Variants in KCNA2 observed in about 807,000 individuals in gnomAD.
KCNA2 encodes potassium channel, voltage gated shaker related subfamily A, member 2.
A neutral mutation model predicts 33.4 loss-of-function variants in KCNA2; 11 were observed. That is an observed-to-expected ratio of 0.33 (90% CI 0.21 to 0.55). KCNA2 has a LOEUF of 0.55. Ranked by LOEUF, KCNA2 falls within the 20% of genes least tolerant of loss-of-function variation. The pLI is 0.93. For synonymous variants in KCNA2, 222 were observed against 231.3 expected (o/e 0.96, Z 0.37); for missense variants, 291 against 621.6 (o/e 0.47, Z 5.66).
At chr1:110,614,762 C>T (rs947334499) in intron 1 of KCNA2, among the ~76,000 whole-genome samples, 3 of 152,132 alleles carry the variant, frequency 2.0e-5, no homozygotes, top group Admixed American at 6.5e-5. Context: ...CACCATGGGT[C>T]CTCCTACTGT....
Position 110,602,137 on chromosome 1 carries a change from G to T in KCNA2, c.*1146C>A. On this transcript the variant is annotated 3_prime_UTR_variant, in exon 3 of 3. Transcript: ENST00000316361. ...GAGGTGTTCAGATGCTGCCTTCCCC[G>T]CTTACTCTTCTGGCTTTGCAGAGGT... 6.4e-7 allele frequency: 1 copy of T among 1,550,444 alleles called. No individual in the cohort carries two copies.
At position 110,602,249 on chromosome 1, in the gene KCNA2, C is replaced by T; in HGVS notation, c.*1034G>A. 6.5e-7 allele frequency: 1 copy of T among 1,531,502 alleles called. No homozygotes were observed. The highest frequency in any genetic ancestry group is 1.2e-5 in the South Asian group (1 of 81,932). The allele number at this position is 1,531,502 out of a possible 1,614,324, so 94.9% of individuals were successfully genotyped here. On this transcript the variant is annotated 3_prime_UTR_variant, in exon 3 of 3. Coordinates refer to ENST00000316361, the MANE Select transcript of KCNA2 (RefSeq NM_004974.4). The stretch of plus-strand genomic sequence containing the variant: ...TTCCAAATAGTCTATTTTTTTTCCC[C>T]TGATGGAGGGATTTTTGCCTTCTGA...
upstream of KCNA2, among the ~76,000 whole-genome samples, chr1:110,609,756 G>C (rs1197749217): frequency 3.3e-5 from 5 of 152,174 alleles, no homozygotes; most frequent in Non-Finnish European, 7.3e-5. Flanking sequence ...CAGTTGTTTA[G>C]GCACATTTCA....
intron 1 of KCNA2, among the ~76,000 whole-genome samples, chr1:110,622,573 G>A (rs1193543614): frequency 1.3e-5 from 2 of 151,948 alleles, no homozygotes; most frequent in Non-Finnish European, 1.5e-5. Flanking sequence ...CAGGTGGCAT[G>A]GTTATTTATG....
chr1:110,628,785 C>T (rs17026186), intron 1 of KCNA2, among the ~76,000 whole-genome samples: 20,052 of 152,216 alleles, frequency 0.13, 1,663 homozygotes, highest in East Asian at 0.25. Context: ...CCACAGAATT[C>T]GTCTGTACAT....
chr1:110,599,778 C>T lies in KCNA2; in HGVS notation c.*3505G>A. 1 of 985,494 alleles carries T rather than the reference C, an allele frequency of 1.0e-6. No individual in the cohort carries two copies. Among genetic ancestry groups the T allele is most frequent in the Non-Finnish European group, 1.2e-6 (1 of 830,030 alleles). 61.0% of individuals were successfully genotyped at this position (985,494 alleles called of 1,614,324 possible). The stretch of plus-strand genomic sequence containing the variant: ...AGAGAATAGGGCTGAATCTGGAGAT[C>T]CCAGGTGCTGGGAGAAGGGGAGCCT... On this transcript the variant is annotated 3_prime_UTR_variant, in exon 3 of 3. Transcript: ENST00000316361.
chr1:110,603,884 C>T lies in KCNA2; in HGVS notation c.899G>A (p.Arg300Lys). The T allele has an allele frequency of 6.2e-7, 1 of 1,614,192 alleles. No individual in the cohort carries two copies. Among genetic ancestry groups the T allele is most frequent in the Non-Finnish European group, 8.5e-7 (1 of 1,180,034 alleles). ...GGACAACTTGAAAATCCTAAAGACT[C>T]TTACCAACCGGATGACACGGAGGAT... ...LAILRVIRLVRVFRIFKLSRH... is the reference protein window; with the variant it reads ...LAILRVIRLVKVFRIFKLSRH... Residue 300 changes from arginine to lysine, a missense_variant, in exon 3 of 3, where the codon AGA (arginine) becomes AAA (lysine). By Grantham distance (26) the Arg-to-Lys change is conservative. This residue lies in a region of KCNA2 where 43 missense variants were observed against 159.4 expected (regional missense o/e 0.27). Coordinates refer to ENST00000316361, the MANE Select transcript of KCNA2 (RefSeq NM_004974.4). The surrounding 1 kb of genome is among the most constrained non-coding windows in gnomAD (Gnocchi z 5.7).
Position 110,599,565 on chromosome 1 carries a change from A to G in KCNA2, c.*3718T>C. 1 of 985,426 alleles carries G rather than the reference A, an allele frequency of 1.0e-6. No homozygotes were observed. Among genetic ancestry groups the G allele is most frequent in the South Asian group, 4.7e-5 (1 of 21,284 alleles). 61.0% of individuals were successfully genotyped at this position (985,426 alleles called of 1,614,324 possible). Reference sequence around the variant, plus strand: ...TGCACAAGAGCAAGTGAAATGCCACAAGCAAGTAAAGGTGGCTCATTTTAA... The same window carrying G: ...TGCACAAGAGCAAGTGAAATGCCACGAGCAAGTAAAGGTGGCTCATTTTAA... On this transcript the variant is annotated 3_prime_UTR_variant, in exon 3 of 3. Transcript: ENST00000316361.
At position 110,600,801 on chromosome 1, in the gene KCNA2, C is replaced by T. The variant is rs986596587; in HGVS notation, c.*2482G>A. 4.4e-5 allele frequency: 43 copies of T among 985,320 alleles called. No homozygotes were observed. In the Admixed American group the frequency reaches 1.4e-3, roughly 31 times the overall value. The allele number at this position is 985,320 out of a possible 1,614,324, so 61.0% of individuals were successfully genotyped here. On this transcript the variant is annotated 3_prime_UTR_variant, in exon 3 of 3. Transcript: ENST00000316361. The stretch of plus-strand genomic sequence containing the variant: ...AGAAGCACAGAGGCTTTGTGCTGGG[C>T]ATGGGATGCCCTGCAGATACCTGGG...
Position 110,596,878 on chromosome 1 carries a change from G to T in KCNA2, c.*6405C>A. 4.1e-6 allele frequency: 4 copies of T among 985,422 alleles called. No individual in the cohort carries two copies. Among genetic ancestry groups the T allele is most frequent in the Non-Finnish European group, 4.8e-6 (4 of 829,946 alleles). The allele number at this position is 985,422 out of a possible 1,614,324, so 61.0% of individuals were successfully genotyped here. A position where few individuals can be genotyped will look rare whatever the true frequency, so the allele number is the denominator to read the frequency against. On this transcript the variant is annotated 3_prime_UTR_variant, in exon 3 of 3. Coordinates refer to ENST00000316361, the MANE Select transcript of KCNA2 (RefSeq NM_004974.4). The stretch of plus-strand genomic sequence containing the variant: ...AAAAAAGGATGGAATGGGACCCTGG[G>T]GTTGCCAGCCTTCCCTGATTGTCCA...
At position 110,601,014 on chromosome 1, in the gene KCNA2, GC is replaced by G; in HGVS notation, c.*2268del. On this transcript the variant is annotated 3_prime_UTR_variant, in exon 3 of 3. Coordinates refer to ENST00000316361, the MANE Select transcript of KCNA2 (RefSeq NM_004974.4). Reference sequence around the variant, plus strand: ...AGCTACTCCGTCAAAAGGCAAAGACGCCCAGTCTGGTGAGTTAAAAGCCCCC... The same window carrying G: ...AGCTACTCCGTCAAAAGGCAAAGACGCCAGTCTGGTGAGTTAAAAGCCCCC... The G allele has an allele frequency of 1.0e-6, 1 of 985,556 alleles. No homozygotes were observed. Among genetic ancestry groups the G allele is most frequent in the South Asian group, 4.7e-5 (1 of 21,290 alleles). The allele number at this position is 985,556 out of a possible 1,614,324, so 61.1% of individuals were successfully genotyped here.
chr1:110,624,647 C>A (rs759305506), intron 1 of KCNA2, among the ~76,000 whole-genome samples: 4 of 152,164 alleles, frequency 2.6e-5, no homozygotes, highest in Non-Finnish European at 4.4e-5. Context: ...ACAATAACAA[C>A]AACTACTACA....
intron 1 of KCNA2, among the ~76,000 whole-genome samples, chr1:110,627,971 G>T (rs1008497329): frequency 2.0e-5 from 3 of 152,132 alleles, no homozygotes; most frequent in Non-Finnish European, 4.4e-5. Flanking sequence ...ATGCAATGCG[G>T]GAAACATATT....
rs531661457 is a variant in KCNA2, at chr1:110,630,069, G to T, written c.-496+1326C>A. On this transcript the variant is annotated intron_variant, in intron 1 of 4. Coordinates refer to the KCNA2 transcript ENST00000369770. ...TTGCTCTTGTTGTCCAGGCTGGAGT[G>T]CAATGGTGCCATCTTGGCTCACCGC... is the stretch of plus-strand genomic sequence containing the variant. 5.0e-3 allele frequency among the ~76,000 whole-genome samples: 717 copies of T among 143,958 alleles called. 11 individuals carry two copies. The highest frequency in any genetic ancestry group is 0.018 in the African/African-American group (682 of 38,034). 94.4% of individuals were successfully genotyped at this position (143,958 alleles called of 152,430 possible). A position where few individuals can be genotyped will look rare whatever the true frequency, so the allele number is the denominator to read the frequency against.
At position 110,603,615 on chromosome 1, in the gene KCNA2, C is replaced by T; in HGVS notation, c.1168G>A (p.Val390Met). ...MVPTTIGGKI[V>M]GSLCAIAGVL... ...CCTGCAATCGCACATAGGGAACCCA[C>T]TATCTTTCCCCCAATGGTAGTCGGA... Residue 390 changes from valine (V) to methionine (M), a missense_variant, in exon 3 of 3, where the codon GTG becomes ATG. Val to Met is a conservative substitution (Grantham distance 21, BLOSUM62 1). This residue lies in a region of KCNA2 where 9 missense variants were observed against 77.4 expected (regional missense o/e 0.12). Coordinates refer to ENST00000316361, the MANE Select transcript of KCNA2 (RefSeq NM_004974.4). The surrounding 1 kb of genome is among the most constrained non-coding windows in gnomAD (Gnocchi z 5.7). 6.2e-7 allele frequency: 1 copy of T among 1,614,148 alleles called. No individual in the cohort carries two copies. The highest frequency in any genetic ancestry group is 8.5e-7 in the Non-Finnish European group (1 of 1,180,026).
chr1:110,614,730 A>G (rs1412474464), intron 1 of KCNA2, among the ~76,000 whole-genome samples: 3 of 152,186 alleles, frequency 2.0e-5, no homozygotes, highest in African/African-American at 7.2e-5. Flanking sequence ...ATGAATGCAT[A>G]TACCTCCTTT....
At chr1:110,612,085 C>A (rs1434285566) in intron 1 of KCNA2, among the ~76,000 whole-genome samples, 1 of 152,248 alleles carries the variant, frequency 6.6e-6, no homozygotes. Flanking sequence ...GGTAGTCCCT[C>A]CCTCATGGTT....
upstream of KCNA2, among the ~76,000 whole-genome samples, chr1:110,608,396 G>A (rs1649752651): frequency 6.6e-6 from 1 of 152,208 alleles, no homozygotes. Context: ...GGTAGACACG[G>A]AGCTCTGGAT....
chr1:110,601,436 G>C lies in KCNA2; in HGVS notation c.*1847C>G, dbSNP rs1649337877. 2.0e-6 allele frequency: 2 copies of C among 985,492 alleles called. No individual in the cohort carries two copies. Among genetic ancestry groups the C allele is most frequent in the South Asian group, 9.4e-5 (2 of 21,284 alleles). The allele number at this position is 985,492 out of a possible 1,614,324, so 61.0% of individuals were successfully genotyped here. A position where few individuals can be genotyped will look rare whatever the true frequency, so the allele number is the denominator to read the frequency against. ...AGAGCCAAATGATAATAAGATCCAA[G>C]TGGCAAGGGAAGAGGTGAAAATGGA... On this transcript the variant is annotated 3_prime_UTR_variant, in exon 3 of 3. Transcript: ENST00000316361.
Sources: gnomAD v4.1 joint callset for allele counts (sites outside exome capture counted in the v4.1 genomes callset) on GRCh38, gnomAD v4.1.1 for gene constraint, gnomAD v4.1.1 regional missense constraint, Gnocchi (gnomAD v3.1) non-coding constraint, MANE v1.5 for transcripts, NCBI Gene and HGNC (gene_info 2026-07-23, HGNC 2026-07-21) for gene names.